Variants in AOX1 observed in about 807,000 individuals in gnomAD.
AOX1 encodes aldehyde oxidase 1.
A neutral mutation model predicts 169.5 loss-of-function variants in AOX1; 153 were observed. The ratio of observed to expected loss-of-function variants is 0.90; its 90% CI spans 0.79 to 1.03. The LOEUF is 1.03. Ranked by LOEUF, AOX1 falls within the 50% of genes least tolerant of loss-of-function variation. The pLI, the probability that AOX1 is intolerant of heterozygous loss-of-function variation, is 0.00. For missense variants in AOX1, 1,656 were observed against 1,663.9 expected (o/e 1.00, Z 0.08); for synonymous variants, 562 against 581.9 (o/e 0.97, Z 0.49).
chr2:200,587,213 A>G (rs2034057168), intron 1 of AOX1, among the ~76,000 whole-genome samples: 2 of 151,794 alleles, frequency 1.3e-5, no homozygotes, highest in African/African-American at 4.8e-5. Context: ...GCTTGAGTCT[A>G]GGAGTTCAAG....
chr2:200,676,981 G>A (rs758923174), exon 5 of AOX1: 48 of 467,772 alleles, frequency 1.0e-4, no homozygotes, highest in Middle Eastern at 3.2e-4. Flanking sequence ...ATTCCAAGGC[G>A]TCAGATGAAC....
chr2:200,610,752 G>A (rs1160006594), intron 12 of AOX1, among the ~76,000 whole-genome samples: 2 of 152,144 alleles, frequency 1.3e-5, no homozygotes, highest in East Asian at 3.8e-4. Context: ...AAAGTTTTAA[G>A]TGAATTGTGT....
chr2:200,640,305 G>T (rs2035329327), intron 23 of AOX1, among the ~76,000 whole-genome samples: 1 of 152,108 alleles, frequency 6.6e-6, no homozygotes, highest in South Asian at 2.1e-4. Flanking sequence ...AGACTGAGTG[G>T]ATCCTTGAAT....
At chr2:200,625,695 A>C (rs920747566) in intron 19 of AOX1, among the ~76,000 whole-genome samples, 1 of 152,236 alleles carries the variant, frequency 6.6e-6, no homozygotes, top group African/African-American at 2.4e-5. Flanking sequence ...AGTTATTCAA[A>C]GAGCAAGCAG....
At chr2:200,665,905 T>G (rs922535689) in intron 31 of AOX1, among the ~76,000 whole-genome samples, 6 of 152,216 alleles carry the variant, frequency 3.9e-5, no homozygotes, top group African/African-American at 1.4e-4. Flanking sequence ...TTCCTGAAGT[T>G]TTATTATTGT....
intron 1 of AOX1, among the ~76,000 whole-genome samples, chr2:200,588,439 A>G (rs2034085080): frequency 6.6e-6 from 1 of 152,186 alleles, no homozygotes; most frequent in Non-Finnish European, 1.5e-5. Flanking sequence ...CTTCCAAACA[A>G]ATATTGGTAT....
chr2:200,666,821 G>T, intron 32 of AOX1, 69 bp downstream of exon 32: 1 of 1,082,900 alleles, frequency 9.2e-7, no homozygotes, highest in Non-Finnish European at 1.4e-6. Context: ...CTGCAGGAGA[G>T]CATTCCATCA....
chr2:200,593,584 C>T lies in AOX1; in HGVS notation c.103+381C>T, dbSNP rs895722602. 1.6e-4 allele frequency among the ~76,000 whole-genome samples: 25 copies of T among 152,090 alleles called. 1 individual carries two copies. The highest frequency in any genetic ancestry group is 6.5e-4 in the Admixed American group (10 of 15,274). The stretch of plus-strand genomic sequence containing the variant: ...ACCTGAAATGAAAGTAAAAGGAAAA[C>T]GGAAGAACTAAACCTGAAAATGTTA... On this transcript the variant is annotated intron_variant, in intron 2 of 34. Transcript: ENST00000374700.
rs1356414843 is a variant in AOX1 at position 200,602,347 on chromosome 2, T to C, written c.498+2T>C. The C allele has an allele frequency of 6.2e-7, 1 of 1,612,908 alleles. No individual in the cohort carries two copies. Among genetic ancestry groups the C allele is most frequent in the Non-Finnish European group, 8.5e-7 (1 of 1,179,184 alleles). ...GATGCATGCAAGACTTTCTGTAAAG[T>C]AAGTGGAAAGGACCACATGTTTGAG... On this transcript the variant is annotated splice_donor_variant, in intron 6 of 34. Coordinates refer to ENST00000374700, the MANE Select transcript of AOX1 (RefSeq NM_001159.4). LOFTEE classifies it high-confidence loss of function.
Position 200,603,999 on chromosome 2 carries a change from G to A in AOX1, c.589-18G>A, listed in dbSNP as rs2034465464. On this transcript the variant is annotated intron_variant, in intron 7 of 34. Transcript: ENST00000374700. ...AAGTTGCTCGATAACAGTAATTTCT[G>A]ATATGTTCTCTTTTTAGACAAGTCC... The A allele has an allele frequency of 6.4e-7, 1 of 1,556,188 alleles. No homozygotes were observed. The highest frequency in any genetic ancestry group is 1.7e-5 in the Admixed American group (1 of 59,844).
In AOX1 at chr2:200,605,647, G is replaced by T; in HGVS notation, c.907+19G>T. On this transcript the variant is annotated intron_variant, in intron 10 of 34. Transcript: ENST00000374700. ...TATAATGGTGAGTTCTCAAGTCCCT[G>T]TTTTCTTAGTTAAGATGCATTAATC... 1 of 1,283,310 alleles carries T rather than the reference G, an allele frequency of 7.8e-7. No individual in the cohort carries two copies. Among genetic ancestry groups the T allele is most frequent in the South Asian group, 1.7e-5 (1 of 60,054 alleles). 79.5% of individuals were successfully genotyped at this position (1,283,310 alleles called of 1,614,324 possible).
At position 200,594,576 on chromosome 2, in the gene AOX1, A is replaced by C. The variant is rs146147248; in HGVS notation, c.104-696A>C. Among the ~76,000 whole-genome samples, 365 of 152,306 alleles carry C rather than the reference A, an allele frequency of 2.4e-3. 3 individuals are homozygous for C. Among genetic ancestry groups the C allele is most frequent in the African/African-American group, 8.4e-3 (349 of 41,550 alleles). On this transcript the variant is annotated intron_variant, in intron 2 of 34. Coordinates refer to ENST00000374700, the MANE Select transcript of AOX1 (RefSeq NM_001159.4). ...CAGCCCTCATATCTGAATTCCAGCA[A>C]ATAGGAAGAAGTAATGAGCAAAGAA...
intron 29 of AOX1, among the ~76,000 whole-genome samples, 179 bp downstream of exon 29, chr2:200,660,248 T>C (rs1159621504): frequency 1.3e-5 from 2 of 152,248 alleles, no homozygotes; most frequent in Non-Finnish European, 2.9e-5. Context: ...CACAGTGTGG[T>C]GGAGGAACTC....
In AOX1 at chr2:200,614,922, G is replaced by T. The variant is rs141707510; in HGVS notation, c.1611+956G>T. ...TTAGTAGCAAACTAATATAATTTCTGGGTGACTCAAGCGATGTAATTTAAA... is the reference window on the plus strand; with the variant it reads ...TTAGTAGCAAACTAATATAATTTCTTGGTGACTCAAGCGATGTAATTTAAA... On this transcript the variant is annotated intron_variant, in intron 15 of 34. Coordinates refer to ENST00000374700, the MANE Select transcript of AOX1 (RefSeq NM_001159.4). 8.4e-4 allele frequency among the ~76,000 whole-genome samples: 128 copies of T among 152,224 alleles called. 1 individual carries two copies. The highest frequency in any genetic ancestry group is 3.0e-3 in the African/African-American group (124 of 41,530).
intron 23 of AOX1, among the ~76,000 whole-genome samples, chr2:200,638,895 TC>T: frequency 2.8e-5 from 1 of 36,100 alleles, no homozygotes; most frequent in African/African-American, 3.5e-4. Context: ...AAGTAACAGC[TC>T]AATATAATGC....
chr2:200,586,803 C>A (rs566857349), intron 1 of AOX1, among the ~76,000 whole-genome samples: 1 of 152,224 alleles, frequency 6.6e-6, no homozygotes, highest in Non-Finnish European at 1.5e-5. Flanking sequence ...AGAAGCTGGG[C>A]TCGCTCTGCG....
At chr2:200,617,172 C>T (rs1574925158) in intron 16 of AOX1, among the ~76,000 whole-genome samples, 1 of 152,126 alleles carries the variant, frequency 6.6e-6, no homozygotes, top group Non-Finnish European at 1.5e-5. Context: ...GAGAGTTTAT[C>T]ATTGATTGCA....
chr2:200,652,906 A>C (rs542338333), intron 26 of AOX1, among the ~76,000 whole-genome samples: 1 of 152,210 alleles, frequency 6.6e-6, no homozygotes, highest in Non-Finnish European at 1.5e-5. Flanking sequence ...CTCTACAAAA[A>C]AGAAAAAATA....
chr2:200,621,383 T>A (rs2034884091), intron 18 of AOX1, 137 bp downstream of exon 18: 1 of 787,106 alleles, frequency 1.3e-6, no homozygotes, highest in East Asian at 2.8e-5. Context: ...AAAAGTATAT[T>A]CTAATATTGA....
Sources: allele counts gnomAD v4.1 joint callset (sites outside exome capture counted in the v4.1 genomes callset), GRCh38; gene constraint gnomAD v4.1.1; transcripts MANE v1.5; gene names NCBI Gene and HGNC (gene_info 2026-07-23, HGNC 2026-07-21).